GRK7: variants seen among roughly 807,000 people sequenced by gnomAD.
GRK7 encodes G protein-coupled receptor kinase 7.
In GRK7, 24 loss-of-function variants were observed where a neutral mutation model predicts 34.1. That is an observed-to-expected ratio of 0.70 (90% CI 0.51 to 0.99). The LOEUF is 0.99. GRK7 is among the 50% of genes least tolerant of loss of function. GRK7 has a pLI of 0.00. For missense variants in GRK7, 644 were observed against 707.3 expected, an observed-to-expected ratio of 0.91 and a Z score of 1.02; for synonymous variants, 256 against 279.4, an observed-to-expected ratio of 0.92 and a Z score of 0.84.
At position 141,789,080 on chromosome 3, in the gene GRK7, A is replaced by G. The variant is rs1178570084; in HGVS notation, c.1050+8269A>G. Among the ~76,000 whole-genome samples the G allele has an allele frequency of 2.0e-5, 3 of 152,098 alleles. No individual in the cohort carries two copies. The East Asian group carries it at 5.8e-4, about 29-fold the overall frequency. Reference sequence around the variant, plus strand: ...TCAACTTGCCTCAGCCTCCTAAAGTACTGGGATTGCAGGTGTGAGCCACTG... The same window carrying G: ...TCAACTTGCCTCAGCCTCCTAAAGTGCTGGGATTGCAGGTGTGAGCCACTG... On this transcript the variant is annotated intron_variant, in intron 4 of 5. Transcript: ENST00000682958.
intron 5 of GRK7, 82 bp downstream of exon 5, chr3:141,808,001 A>T: frequency 1.6e-6 from 2 of 1,275,374 alleles, no homozygotes; most frequent in South Asian, 1.8e-5. Flanking sequence ...TTTGTGGCAA[A>T]GTCTTGGAAT....
rs146370111 is a variant in GRK7 at position 141,814,987 on chromosome 3, C to A, written c.1326-1727C>A. 3.6e-3 allele frequency among the ~76,000 whole-genome samples: 532 copies of A among 146,514 alleles called. 4 individuals are homozygous for A. The highest frequency in any genetic ancestry group is 0.012 in the African/African-American group (480 of 39,942). ...TCACCCAGGCTGGAGTGCAGTGGCA[C>A]AATCTTGGCTCACTGCAATCTCCGC... On this transcript the variant is annotated intron_variant, in intron 5 of 5. Coordinates refer to ENST00000682958, the MANE Select transcript of GRK7 (RefSeq NM_139209.3).
chr3:141,767,403 G>GT (rs199735122), intron 1 of GRK7, among the ~76,000 whole-genome samples: 3,523 of 143,896 alleles, frequency 0.024, 109 homozygotes, highest in African/African-American at 0.076. Flanking sequence ...TTTGTTTTTT[G>GT]TTTTTTTTTT....
In GRK7 at chr3:141,807,707, T is replaced by C. The variant is rs1711050129; in HGVS notation, c.1113T>C (p.Pro371=). The C allele has an allele frequency of 1.2e-6, 2 of 1,613,900 alleles. No individual in the cohort carries two copies. Among genetic ancestry groups the C allele is most frequent in the South Asian group, 2.2e-5 (2 of 91,096 alleles). ...ILMEKVSYSY[P]VDWFAMGCSI... ...TGGAAAAGGTAAGTTATTCCTATCCTGTGGACTGGTTTGCCATGGGATGCA... is the reference window on the plus strand; with the variant it reads ...TGGAAAAGGTAAGTTATTCCTATCCCGTGGACTGGTTTGCCATGGGATGCA... The change falls in exon 5 of 6, where the codon CCT becomes CCC. Residue 371 remains proline (P), a synonymous_variant. Transcript: ENST00000682958.
rs756047832 is a variant in GRK7 at position 141,778,296 on chromosome 3, G to A, written c.12G>A (p.Met4Ile). ...CCCCGTGCTCAGCCATGGTGGACATGGGGGCCCTGGACAACCTGATCGCCA... is the reference window on the plus strand; with the variant it reads ...CCCCGTGCTCAGCCATGGTGGACATAGGGGCCCTGGACAACCTGATCGCCA... MVDMGALDNLIANT... is the reference protein window; with the variant it reads MVDIGALDNLIANT... Residue 4 changes from methionine (M) to isoleucine (I), a missense_variant, in exon 3 of 6, where the codon ATG (methionine) becomes ATA (isoleucine). Met to Ile is a conservative substitution (Grantham distance 10). Transcript: ENST00000682958. This position sits in a 1 kb window ranked among gnomAD's most constrained non-coding sequence, Gnocchi z 4.1. The A allele has an allele frequency of 6.4e-7, 1 of 1,571,448 alleles. No homozygotes were observed. Among genetic ancestry groups the A allele is most frequent in the Admixed American group, 1.8e-5 (1 of 55,910 alleles).
chr3:141,776,831 T>C (rs1053574231), intron 2 of GRK7, among the ~76,000 whole-genome samples: 5 of 152,218 alleles, frequency 3.3e-5, no homozygotes, highest in African/African-American at 1.2e-4. Context: ...GTAAACACTT[T>C]GGCATAATAC....
chr3:141,771,234 C>A (rs1022174276), intron 1 of GRK7, among the ~76,000 whole-genome samples: 2 of 151,824 alleles, frequency 1.3e-5, no homozygotes, highest in Non-Finnish European at 2.9e-5. Context: ...TGTGTGTGTA[C>A]ACATATCCAT....
intron 4 of GRK7, among the ~76,000 whole-genome samples, chr3:141,804,235 G>A (rs1711000450): frequency 6.6e-6 from 1 of 152,104 alleles, no homozygotes; most frequent in South Asian, 2.1e-4. Flanking sequence ...GTGTGCAAAG[G>A]AGGCTGGGAG....
intron 3 of GRK7, 79 bp from the exon 4 acceptor site, chr3:141,780,295 A>G: frequency 8.2e-7 from 1 of 1,218,368 alleles, no homozygotes; most frequent in African/African-American, 1.5e-5. Context: ...CTTTCCACCC[A>G]CCTCCTCCTT....
Position 141,812,760 on chromosome 3 carries a change from G to T in GRK7, c.1326-3954G>T, listed in dbSNP as rs183618504. Among the ~76,000 whole-genome samples, 216 of 152,322 alleles carry T rather than the reference G, an allele frequency of 1.4e-3. 1 individual carries two copies. Among genetic ancestry groups the T allele is most frequent in the Non-Finnish European group, 2.7e-3 (185 of 68,024 alleles). ...CCATGTGAGAACTGTTCATCCTGATGTAAAGACTGGTCTGGCAAGTCTCCC... is the reference window on the plus strand; with the variant it reads ...CCATGTGAGAACTGTTCATCCTGATTTAAAGACTGGTCTGGCAAGTCTCCC... On this transcript the variant is annotated intron_variant, in intron 5 of 5. Transcript: ENST00000682958.
intron 2 of GRK7, among the ~76,000 whole-genome samples, chr3:141,776,915 C>T (rs1355881446): frequency 1.3e-5 from 2 of 152,154 alleles, no homozygotes; most frequent in South Asian, 2.1e-4. Context: ...CCCTGTGGGG[C>T]ACAGGTTGTT....
At chr3:141,793,005 G>A (rs966558958) in intron 4 of GRK7, among the ~76,000 whole-genome samples, 1 of 152,160 alleles carries the variant, frequency 6.6e-6, no homozygotes, top group Non-Finnish European at 1.5e-5. Context: ...ACACATCCAC[G>A]TGCTGGGAGT....
At chr3:141,785,130 C>A (rs533785776) in intron 4 of GRK7, among the ~76,000 whole-genome samples, 1 of 152,180 alleles carries the variant, frequency 6.6e-6, no homozygotes, top group Non-Finnish European at 1.5e-5. Flanking sequence ...GAAGAGGTAA[C>A]AAGGAAAAAT....
rs755894534 is a variant in GRK7, at chr3:141,816,709, C to T, written c.1326-5C>T. The T allele has an allele frequency of 6.6e-7, 1 of 1,508,408 alleles. No individual in the cohort carries two copies. The highest frequency in any genetic ancestry group is 1.4e-5 in the African/African-American group (1 of 71,772). The allele number at this position is 1,508,408 out of a possible 1,614,324, so 93.4% of individuals were successfully genotyped here. A position where few individuals can be genotyped will look rare whatever the true frequency, so the allele number is the denominator to read the frequency against. On this transcript the variant is annotated splice_polypyrimidine_tract_variant and splice_region_variant and intron_variant, in intron 5 of 5. Transcript: ENST00000682958. ...TCTCAGGCTGATCATCTCCTTTCTT[C>T]ACAGAGAAAAGTCTGATGATCCCAG...
At chr3:141,767,481 A>C (rs974653393) in intron 1 of GRK7, among the ~76,000 whole-genome samples, 66 of 151,478 alleles carry the variant, frequency 4.4e-4, no homozygotes, top group African/African-American at 1.5e-3. Context: ...AGCTCACTCC[A>C]GCCTCCAGCC....
chr3:141,772,847 T>C (rs2084622641), intron 1 of GRK7, among the ~76,000 whole-genome samples: 1 of 152,080 alleles, frequency 6.6e-6, no homozygotes, highest in South Asian at 2.1e-4. Flanking sequence ...AAAATAAAAG[T>C]TGAGGCCGGG....
At chr3:141,791,873 G>A (rs1299999553) in intron 4 of GRK7, among the ~76,000 whole-genome samples, 2 of 151,214 alleles carry the variant, frequency 1.3e-5, no homozygotes, top group African/African-American at 4.9e-5. Flanking sequence ...GTGTGGTGGC[G>A]GGCCCCTATA....
chr3:141,763,312 G>T (rs938263652), upstream of GRK7, among the ~76,000 whole-genome samples: 2 of 152,172 alleles, frequency 1.3e-5, no homozygotes, highest in Non-Finnish European at 2.9e-5. Flanking sequence ...TAAAGCATAG[G>T]AGCTCTGGAG....
At chr3:141,766,312 C>T (rs568747928) in intron 1 of GRK7, among the ~76,000 whole-genome samples, 68 of 152,088 alleles carry the variant, frequency 4.5e-4, no homozygotes, top group Admixed American at 6.5e-4. Flanking sequence ...TACAGGCACC[C>T]GCCACCACGC....
Sources: allele counts gnomAD v4.1 joint callset (sites outside exome capture counted in the v4.1 genomes callset), GRCh38; gene constraint gnomAD v4.1.1; non-coding constraint Gnocchi (gnomAD v3.1); transcripts MANE v1.5; gene names NCBI Gene and HGNC (gene_info 2026-07-23, HGNC 2026-07-21).